CCDC178: variants seen among roughly 807,000 people sequenced by gnomAD.
CCDC178 encodes coiled-coil domain-containing protein 178.
CCDC178 carries 126 observed loss-of-function variants against 117.4 expected under a neutral mutation model. The ratio of observed to expected loss-of-function variants is 1.07; its 90% CI spans 0.93 to 1.24. CCDC178 has a LOEUF of 1.24. Among genes scored for constraint, CCDC178 ranks in the 50% most tolerant of loss-of-function variants. The pLI is 0.00. For missense variants in CCDC178, 1,030 were observed against 986.9 expected, an observed-to-expected ratio of 1.04 and a Z score of -0.59; for synonymous variants, 283 against 313.4, an observed-to-expected ratio of 0.90 and a Z score of 1.02.
intron 2 of CCDC178, among the ~76,000 whole-genome samples, chr18:33,412,914 C>T (rs1308006208): frequency 6.6e-6 from 1 of 151,916 alleles, no homozygotes; most frequent in South Asian, 2.1e-4. Context: ...TTTTTTTCTC[C>T]CTGTACTTTA....
At chr18:33,429,780 T>C (rs888192308) in intron 2 of CCDC178, among the ~76,000 whole-genome samples, 4 of 152,128 alleles carry the variant, frequency 2.6e-5, no homozygotes, top group Non-Finnish European at 1.5e-5. Context: ...TCATTACAGC[T>C]AGAGAATAGA....
chr18:33,212,822 T>C (rs1021677798), intron 19 of CCDC178, among the ~76,000 whole-genome samples: 8 of 151,918 alleles, frequency 5.3e-5, no homozygotes, highest in Non-Finnish European at 8.8e-5. Flanking sequence ...TAAGGAACAA[T>C]ACTAGTAGAA....
intron 21 of CCDC178, among the ~76,000 whole-genome samples, chr18:33,018,695 T>C (rs749041310): frequency 3.9e-5 from 6 of 152,030 alleles, no homozygotes; most frequent in African/African-American, 1.4e-4. Flanking sequence ...AATAGGCAAA[T>C]CTATAGACAC....
In CCDC178 at chr18:33,267,014, T is replaced by C. The variant is rs1427553325; in HGVS notation, c.1311A>G (p.Lys437=). The C allele has an allele frequency of 1.2e-6, 2 of 1,600,666 alleles. No individual in the cohort carries two copies. Among genetic ancestry groups the C allele is most frequent in the Admixed American group, 3.5e-5 (2 of 56,590 alleles). ...ATGCCAAAGAAATAGCTGAAAAATC[T>C]TTTGCAACATCAGAAAGCTCAATAT... ...TWDIELSDVA[K]DFSAISLACT... is the part of the protein sequence containing the mutation. The change falls in exon 14 of 23, where the codon AAA becomes AAG. Residue 437 remains lysine (K), a synonymous_variant. Coordinates refer to ENST00000383096, the MANE Select transcript of CCDC178 (RefSeq NM_001105528.4).
At chr18:32,994,670 G>A (rs780981429) in intron 21 of CCDC178, among the ~76,000 whole-genome samples, 5 of 152,040 alleles carry the variant, frequency 3.3e-5, no homozygotes, top group East Asian at 1.9e-4. Context: ...TTATTGCTGC[G>A]GTCAATAGAA....
At chr18:33,097,032 C>T (rs941772757) in intron 20 of CCDC178, among the ~76,000 whole-genome samples, 4 of 152,036 alleles carry the variant, frequency 2.6e-5, no homozygotes, top group Non-Finnish European at 4.4e-5. Flanking sequence ...TTTTCAGTCT[C>T]GATGTTTTTT....
chr18:33,249,777 T>G (rs902988428), intron 14 of CCDC178, among the ~76,000 whole-genome samples: 36 of 152,208 alleles, frequency 2.4e-4, no homozygotes, highest in Non-Finnish European at 3.1e-4. Flanking sequence ...ATATGAACTT[T>G]AAAGTAGTTT....
chr18:33,391,852 T>C (rs2063569041), intron 4 of CCDC178, among the ~76,000 whole-genome samples: 1 of 151,808 alleles, frequency 6.6e-6, no homozygotes, highest in South Asian at 2.1e-4. Flanking sequence ...AAGGGAAACA[T>C]AGGAAACAAA....
intron 20 of CCDC178, among the ~76,000 whole-genome samples, chr18:33,116,074 G>A (rs765253714): frequency 3.3e-5 from 5 of 152,056 alleles, no homozygotes; most frequent in African/African-American, 7.2e-5. Flanking sequence ...GAGCTTAGCC[G>A]TCAAGGTAAT....
intron 9 of CCDC178, among the ~76,000 whole-genome samples, chr18:33,333,737 C>T (rs1031787826): frequency 1.3e-5 from 2 of 151,798 alleles, no homozygotes; most frequent in Admixed American, 1.3e-4. Flanking sequence ...GTCTCAAACT[C>T]GCGACCTCAG....
chr18:33,048,452 A>T (rs2056685790), intron 21 of CCDC178, among the ~76,000 whole-genome samples: 1 of 152,208 alleles, frequency 6.6e-6, no homozygotes, highest in Non-Finnish European at 1.5e-5. Flanking sequence ...ATTTCTTTCC[A>T]TTATGAAATA....
At chr18:33,046,953 T>C (rs924185480) in intron 21 of CCDC178, among the ~76,000 whole-genome samples, 17 of 152,202 alleles carry the variant, frequency 1.1e-4, no homozygotes, top group African/African-American at 4.1e-4. Context: ...AAATAAATGA[T>C]TCCTCACTTT....
chr18:33,410,988 T>C (rs2063843112), intron 3 of CCDC178, among the ~76,000 whole-genome samples: 1 of 152,136 alleles, frequency 6.6e-6, no homozygotes. Context: ...ACCCTAGACC[T>C]GTAAACGAGC....
At chr18:33,145,359 C>T (rs1304230842) in intron 20 of CCDC178, among the ~76,000 whole-genome samples, 1 of 152,142 alleles carries the variant, frequency 6.6e-6, no homozygotes, top group African/African-American at 2.4e-5. Flanking sequence ...TTTCCAGGCT[C>T]AGGACAGGAA....
At chr18:32,973,735 T>A (rs530505870) in intron 22 of CCDC178, among the ~76,000 whole-genome samples, 4 of 152,084 alleles carry the variant, frequency 2.6e-5, no homozygotes, top group Non-Finnish European at 5.9e-5. Context: ...GAAAAAGATT[T>A]GGTTTAGGGT....
intron 5 of CCDC178, among the ~76,000 whole-genome samples, chr18:33,384,979 G>A (rs1482866077): frequency 6.6e-6 from 1 of 152,158 alleles, no homozygotes; most frequent in Non-Finnish European, 1.5e-5. Flanking sequence ...CATCTCACAT[G>A]CAAAGATGCA....
intron 22 of CCDC178, chr18:32,957,902 A>G (rs1164121242): frequency 5.4e-6 from 1 of 184,776 alleles, no homozygotes; most frequent in African/African-American, 2.3e-5. Flanking sequence ...TTTCAAATAA[A>G]TCATCCAGCT....
chr18:33,370,830 A>G (rs1329639076), intron 5 of CCDC178, among the ~76,000 whole-genome samples: 1 of 152,084 alleles, frequency 6.6e-6, no homozygotes, highest in Non-Finnish European at 1.5e-5. Context: ...GATGTGCCTC[A>G]GTGATTCTAA....
chr18:32,944,830 C>A (rs1168779715), intron 22 of CCDC178, among the ~76,000 whole-genome samples: 1 of 152,164 alleles, frequency 6.6e-6, no homozygotes, highest in Non-Finnish European at 1.5e-5. Context: ...CTCACTAGAT[C>A]TGATGGTTTT....
Sources: gnomAD v4.1 joint callset for allele counts (sites outside exome capture counted in the v4.1 genomes callset) on GRCh38, gnomAD v4.1.1 for gene constraint, MANE v1.5 for transcripts, NCBI Gene and HGNC (gene_info 2026-07-23, HGNC 2026-07-21) for gene names.